The following KLRD1 variants were observed in gnomAD, a reference collection of about 807,000 sequenced individuals.
KLRD1 encodes the protein killer cell lectin like receptor D1, also known as natural killer cells antigen CD94.
A neutral mutation model predicts 22.6 loss-of-function variants in KLRD1; 21 were observed. The observed-to-expected ratio is 0.93, with a 90% CI of 0.66 to 1.34. The LOEUF (loss-of-function observed/expected upper bound fraction) is 1.34, where lower values mean the gene tolerates loss of function less well. KLRD1 is among the 40% of genes most tolerant of loss of function. The probability of loss-of-function intolerance (pLI) is 0.00; values close to 1 mark genes in which losing one functional copy is unlikely to be tolerated. For missense variants in KLRD1, 183 were observed against 208.6 expected, an observed-to-expected ratio of 0.88 and a Z score of 0.76; for synonymous variants, 59 against 71.1, an observed-to-expected ratio of 0.83 and a Z score of 0.85.
rs1259629161 is a variant in KLRD1 at position 10,328,908 on chromosome 12, A to G, written c.*14115A>G. The G allele has an allele frequency of 6.6e-6, 1 of 152,218 alleles. No homozygotes were observed. The highest frequency in any genetic ancestry group is 1.5e-5 in the Non-Finnish European group (1 of 68,070). 9.4% of individuals were successfully genotyped at this position (152,218 alleles called of 1,614,324 possible). ...ACAAGAGAGAATGAAAGCCAAGCCA[A>G]AGGGGGTTTCCCCTTATAAAACCAT... is the stretch of plus-strand genomic sequence containing the variant. On this transcript the variant is annotated 3_prime_UTR_variant, in exon 6 of 6. Coordinates refer to ENST00000336164, the MANE Select transcript of KLRD1 (RefSeq NM_002262.5).
At chr12:10,246,126 A>C (rs1949288613) in intron 1 of KLRD1, among the ~76,000 whole-genome samples, 3 of 152,188 alleles carry the variant, frequency 2.0e-5, no homozygotes, top group African/African-American at 7.2e-5. Flanking sequence ...GTAAAGTTGA[A>C]TTTATATTAA....
Position 10,324,770 on chromosome 12 carries a change from A to T in KLRD1, c.*9977A>T, listed in dbSNP as rs1292373798. On this transcript the variant is annotated 3_prime_UTR_variant, in exon 6 of 6. Coordinates refer to ENST00000336164, the MANE Select transcript of KLRD1 (RefSeq NM_002262.5). ...ATTATACATTTTATTTTCTAATTTCAAATGTTTTATTTTAAAATTGTAAGT... is the reference window on the plus strand; with the variant it reads ...ATTATACATTTTATTTTCTAATTTCTAATGTTTTATTTTAAAATTGTAAGT... The T allele has an allele frequency of 1.4e-5, 2 of 142,774 alleles. No homozygotes were observed. Among genetic ancestry groups the T allele is most frequent in the Non-Finnish European group, 3.0e-5 (2 of 65,638 alleles). 8.8% of individuals were successfully genotyped at this position (142,774 alleles called of 1,614,324 possible).
chr12:10,257,134 CTTTTCTTTT>C (rs1949404215), intron 1 of KLRD1, among the ~76,000 whole-genome samples: 1 of 30,916 alleles, frequency 3.2e-5, no homozygotes, highest in Admixed American at 5.1e-4. Flanking sequence ...TTTTTCTTTT[CTTTTCTTTT>C]TTTTTTTTTT....
In KLRD1 at chr12:10,243,296, A is replaced by G. The variant is rs553978092; in HGVS notation, c.-101+17063A>G. Among the ~76,000 whole-genome samples, 14 of 152,244 alleles carry G rather than the reference A, an allele frequency of 9.2e-5. No homozygotes were observed. The South Asian group carries it at 1.5e-3, about 16-fold the overall frequency. On this transcript the variant is annotated intron_variant, in intron 1 of 5. Coordinates refer to the KLRD1 transcript ENST00000544747. Reference sequence around the variant, plus strand: ...ACATCACATCAAACCCCCGAAATATATAAAATAATTTTTCGGTTAAAAGAA... The same window carrying G: ...ACATCACATCAAACCCCCGAAATATGTAAAATAATTTTTCGGTTAAAAGAA...
At position 10,325,646 on chromosome 12, in the gene KLRD1, T is replaced by G. The variant is rs1950354091; in HGVS notation, c.*10853T>G. 6.6e-6 allele frequency: 1 copy of G among 152,242 alleles called. No individual in the cohort carries two copies. Among genetic ancestry groups the G allele is most frequent in the Admixed American group, 6.5e-5 (1 of 15,286 alleles). The allele number at this position is 152,242 out of a possible 1,614,324, so 9.4% of individuals were successfully genotyped here. A position where few individuals can be genotyped will look rare whatever the true frequency, so the allele number is the denominator to read the frequency against. ...TTATCCTGTGACTTGTTTATTTCAT[T>G]TAGCATAATGTCCTCAAGTTTCATC... is the stretch of plus-strand genomic sequence containing the variant. On this transcript the variant is annotated 3_prime_UTR_variant, in exon 6 of 6. Coordinates refer to ENST00000336164, the MANE Select transcript of KLRD1 (RefSeq NM_002262.5).
upstream of KLRD1, among the ~76,000 whole-genome samples, chr12:10,299,905 C>A (rs1236257416): frequency 6.6e-6 from 1 of 152,170 alleles, no homozygotes; most frequent in Non-Finnish European, 1.5e-5. Flanking sequence ...CCAAGAAACA[C>A]TTTCTTTGCT....
At chr12:10,239,502 TTCCC>T (rs1949218234) in intron 1 of KLRD1, among the ~76,000 whole-genome samples, 1 of 108,226 alleles carries the variant, frequency 9.2e-6, no homozygotes, top group African/African-American at 3.1e-5. Context: ...CCTTCCTTCC[TTCCC>T]TCCTTCCCTC....
At chr12:10,264,361 A>C (rs1237237782) in intron 1 of KLRD1, among the ~76,000 whole-genome samples, 5 of 152,108 alleles carry the variant, frequency 3.3e-5, no homozygotes, top group African/African-American at 1.2e-4. Flanking sequence ...ATATTTTACC[A>C]ATTTATATTT....
Position 10,314,686 on chromosome 12 carries a change from G to T in KLRD1, c.433G>T (p.Glu145Ter). ...TCTTCATTACAGATTTCCATCATTT[G>T]AAACTTTTAATACAAAGAACTGCAT... ...ALSQYLFPSFETFNTKNCIAY... is the reference protein window; with the variant it reads ...ALSQYLFPSF The change falls in exon 6 of 6, where the codon GAA becomes TAA. Residue 145 changes from glutamate to a stop codon, truncating the protein, a stop_gained. Coordinates refer to ENST00000336164, the MANE Select transcript of KLRD1 (RefSeq NM_002262.5). LOFTEE classifies it low-confidence loss of function (END_TRUNC). 1 of 1,568,860 alleles carries T rather than the reference G, an allele frequency of 6.4e-7. No individual in the cohort carries two copies.
intron 1 of KLRD1, among the ~76,000 whole-genome samples, chr12:10,286,595 G>C (rs1667471573): frequency 6.8e-6 from 1 of 146,814 alleles, no homozygotes; most frequent in African/African-American, 2.5e-5. Flanking sequence ...ACCTGATAAG[G>C]ATTGATTAGA....
rs1463581823 is a variant in KLRD1 at position 10,327,895 on chromosome 12, T to A, written c.*13102T>A. Reference sequence around the variant, plus strand: ...ATGGGTATTAAATTTTGTGAAAACTTTTTTTCTGAATCTATTGAGATGCAC... The same window carrying A: ...ATGGGTATTAAATTTTGTGAAAACTATTTTTCTGAATCTATTGAGATGCAC... On this transcript the variant is annotated 3_prime_UTR_variant, in exon 6 of 6. Transcript: ENST00000336164. The A allele has an allele frequency of 1.3e-5, 2 of 152,160 alleles. No homozygotes were observed. Among genetic ancestry groups the A allele is most frequent in the Non-Finnish European group, 2.9e-5 (2 of 67,994 alleles). The allele number at this position is 152,160 out of a possible 1,614,324, so 9.4% of individuals were successfully genotyped here.
intron 1 of KLRD1, among the ~76,000 whole-genome samples, chr12:10,283,521 C>T (rs554078071): frequency 6.6e-6 from 1 of 151,356 alleles, no homozygotes; most frequent in Admixed American, 6.6e-5. Context: ...ATGGTGTATT[C>T]CTATCACAAT....
chr12:10,259,086 G>A lies in KLRD1; in HGVS notation c.-101+32853G>A, dbSNP rs1292591484. The stretch of plus-strand genomic sequence containing the variant: ...GATGCTTCTACTTTTGAGATCAAAA[G>A]CATTTATTCTGTTCTGTAATATCCA... On this transcript the variant is annotated intron_variant, in intron 1 of 5. Coordinates refer to the KLRD1 transcript ENST00000544747. 2.0e-5 allele frequency among the ~76,000 whole-genome samples: 3 copies of A among 152,268 alleles called. No homozygotes were observed. The East Asian group carries it at 5.8e-4, about 29-fold the overall frequency.
At chr12:10,292,789 C>A (rs1949781877) in intron 1 of KLRD1, among the ~76,000 whole-genome samples, 1 of 152,142 alleles carries the variant, frequency 6.6e-6, no homozygotes, top group Admixed American at 6.5e-5. Context: ...TGAAGCAAGA[C>A]ACTGACTTTT....
At position 10,242,071 on chromosome 12, in the gene KLRD1, G is replaced by GTTTTTTT. The variant is rs72326980; in HGVS notation, c.-101+15851_-101+15857dup. Among the ~76,000 whole-genome samples the GTTTTTTT allele has an allele frequency of 1.4e-3, 136 of 99,382 alleles. 18 individuals carry two copies. The highest frequency in any genetic ancestry group is 1.9e-3 in the African/African-American group (50 of 26,350). 65.2% of individuals were successfully genotyped at this position (99,382 alleles called of 152,430 possible). A position where few individuals can be genotyped will look rare whatever the true frequency, so the allele number is the denominator to read the frequency against. On this transcript the variant is annotated intron_variant, in intron 1 of 5. Coordinates refer to the KLRD1 transcript ENST00000544747. ...GGATTTCTTTGTTACTGTTCTTGCT[G>GTTTTTTT]TTTTTTTTTTTTTTTTTTTCAGAGA... is the stretch of plus-strand genomic sequence containing the variant.
chr12:10,318,947 G>A lies in KLRD1; in HGVS notation c.*4154G>A, dbSNP rs1202429554. On this transcript the variant is annotated 3_prime_UTR_variant, in exon 6 of 6. Transcript: ENST00000336164. ...TGGAAATGTTAGTTCTATAATTTTG[G>A]ACTTTCTGAAACTTTTCTCTTTATA... is the stretch of plus-strand genomic sequence containing the variant. 1 of 151,278 alleles carries A rather than the reference G, an allele frequency of 6.6e-6. No individual in the cohort carries two copies. The highest frequency in any genetic ancestry group is 2.4e-5 in the African/African-American group (1 of 41,090). 9.4% of individuals were successfully genotyped at this position (151,278 alleles called of 1,614,324 possible). A position where few individuals can be genotyped will look rare whatever the true frequency, so the allele number is the denominator to read the frequency against.
intron 1 of KLRD1, among the ~76,000 whole-genome samples, chr12:10,275,189 C>T (rs1386726633): frequency 6.6e-6 from 1 of 152,124 alleles, no homozygotes; most frequent in Non-Finnish European, 1.5e-5. Flanking sequence ...CGTGCCTAGC[C>T]GTTATTTTGT....
intron 1 of KLRD1, among the ~76,000 whole-genome samples, chr12:10,296,113 G>T (rs1012831459): frequency 6.6e-6 from 1 of 152,064 alleles, no homozygotes; most frequent in Non-Finnish European, 1.5e-5. Context: ...AGAGCACCTT[G>T]CCACAGCTGC....
intron 1 of KLRD1, among the ~76,000 whole-genome samples, chr12:10,271,345 A>G (rs1417563411): frequency 1.3e-5 from 2 of 152,170 alleles, no homozygotes; most frequent in African/African-American, 2.4e-5. Flanking sequence ...TTCTTTTTCC[A>G]TGATCTTGGT....
Sources: allele counts gnomAD v4.1 joint callset (sites outside exome capture counted in the v4.1 genomes callset), GRCh38; gene constraint gnomAD v4.1.1; transcripts MANE v1.5; gene names NCBI Gene and HGNC (gene_info 2026-07-23, HGNC 2026-07-21).